AMH: variants seen among roughly 807,000 people sequenced by gnomAD.
AMH encodes the protein anti-Mullerian hormone.
Under a neutral mutation model 33.3 loss-of-function variants are expected in AMH, and 39 were observed. The observed-to-expected ratio is 1.17, with a 90% CI of 0.91 to 1.53. AMH has a LOEUF of 1.53. Among genes scored for constraint, AMH ranks in the 40% most tolerant of loss-of-function variants. AMH has a pLI of 0.00. For synonymous variants in AMH, 536 were observed against 403.0 expected, an observed-to-expected ratio of 1.33 and a Z score of -3.95; for missense variants, 1,019 against 799.8, an observed-to-expected ratio of 1.27 and a Z score of -3.30.
Position 2,250,372 on chromosome 19 carries a change from G to C in AMH, c.448G>C (p.Glu150Gln), listed in dbSNP as rs1216379891. Residue 150 changes from glutamate (E) to glutamine (Q), a missense_variant, in exon 2 of 5, where the codon GAG becomes CAG. Physicochemically the swap from Glu to Gln is conservative, Grantham distance 29. Transcript: ENST00000221496. ...GCCAACACCCTCGCTGAGGTTCCAGGAGCCCCCGCCTGGAGGAGCTGGCCC... is the reference window on the plus strand; with the variant it reads ...GCCAACACCCTCGCTGAGGTTCCAGCAGCCCCCGCCTGGAGGAGCTGGCCC... ...WEPTPSLRFQ[E>Q]PPPGGAGPPE... 1 of 1,596,244 alleles carries C rather than the reference G, an allele frequency of 6.3e-7. No homozygotes were observed. Among genetic ancestry groups the C allele is most frequent in the Non-Finnish European group, 8.5e-7 (1 of 1,173,562 alleles).
In AMH at chr19:2,251,735, T is replaced by C. The variant is rs1311186725; in HGVS notation, c.1461T>C (p.Asn487=). 3 of 1,611,556 alleles carry C rather than the reference T, an allele frequency of 1.9e-6. No individual in the cohort carries two copies. Among genetic ancestry groups the C allele is most frequent in the East Asian group, 2.2e-5 (1 of 44,848 alleles). ...TCCCCGAGACCTACCAGGCCAACAA[T>C]TGCCAGGGCGTGTGCGGCTGGCCTC... ...VLIPETYQAN[N]CQGVCGWPQS... Residue 487 remains asparagine, a synonymous_variant, in exon 5 of 5, where the codon AAT becomes AAC. Coordinates refer to ENST00000221496, the MANE Select transcript of AMH (RefSeq NM_000479.5).
intron 1 of AMH, chr19:2,249,985 TC>T: frequency 1.6e-6 from 1 of 621,492 alleles, no homozygotes; most frequent in Non-Finnish European, 2.8e-6. Context: ...TGCTGCCTTC[TC>T]CCCACCCCTG....
rs897443151 is a variant in AMH at position 2,251,470 on chromosome 19, C to A, written c.1196C>A (p.Ala399Asp). ...CGAAGCCTCCCGGGTCTGCCTCCGG[C>A]CACAGCCCCGCTGCTGGCGCGCCTG... Reference protein sequence around the residue: ...ELRSLPGLPPATAPLLARLLA... With the variant: ...ELRSLPGLPPDTAPLLARLLA... The change falls in exon 5 of 5, where the codon GCC (alanine) becomes GAC (aspartate). Residue 399 changes from alanine (A) to aspartate (D), a missense_variant. Coordinates refer to ENST00000221496, the MANE Select transcript of AMH (RefSeq NM_000479.5). 5.0e-6 allele frequency: 7 copies of A among 1,407,292 alleles called. No homozygotes were observed. In the African/African-American group the frequency reaches 1.1e-4, roughly 21 times the overall value. 87.2% of individuals were successfully genotyped at this position (1,407,292 alleles called of 1,614,324 possible).
At position 2,251,277 on chromosome 19, in the gene AMH, G is replaced by A. The variant is rs2025037328; in HGVS notation, c.1003G>A (p.Ala335Thr). The change falls in exon 5 of 5, where the codon GCG becomes ACG. Residue 335 changes from alanine to threonine, a missense_variant. Transcript: ENST00000221496. Reference protein sequence around the residue: ...QGLVNLSDPAALERLLDGEEP... With the variant: ...QGLVNLSDPATLERLLDGEEP... ...CCTAGTCAACCTGTCGGACCCCGCG[G>A]CGCTGGAGCGCCTACTCGACGGCGA... 5 of 1,504,148 alleles carry A rather than the reference G, an allele frequency of 3.3e-6. No individual in the cohort carries two copies. The highest frequency in any genetic ancestry group is 2.9e-5 in the African/African-American group (2 of 68,956). 93.2% of individuals were successfully genotyped at this position (1,504,148 alleles called of 1,614,324 possible).
rs546849156 is a variant in AMH at position 2,250,998 on chromosome 19, C to G, written c.814C>G (p.Pro272Ala). 2.6e-6 allele frequency: 4 copies of G among 1,514,394 alleles called. No homozygotes were observed. The highest frequency in any genetic ancestry group is 1.4e-5 in the African/African-American group (1 of 69,892). The allele number at this position is 1,514,394 out of a possible 1,614,324, so 93.8% of individuals were successfully genotyped here. A position where few individuals can be genotyped will look rare whatever the true frequency, so the allele number is the denominator to read the frequency against. Residue 272 changes from proline (P) to alanine (A), a missense_variant, in exon 4 of 5, where the codon CCG (proline) becomes GCG (alanine). Physicochemically the swap from Pro to Ala is conservative, Grantham distance 27. Coordinates refer to ENST00000221496, the MANE Select transcript of AMH (RefSeq NM_000479.5). The stretch of plus-strand genomic sequence containing the variant: ...CGGCCAGCTGGACACCGTGCCCTTC[C>G]CGCCGCCCAGGTGCGCGCAGGCACC... ...AHGQLDTVPF[P>A]PPRPSAELEE...
At position 2,250,942 on chromosome 19, in the gene AMH, C is replaced by G; in HGVS notation, c.758C>G (p.Pro253Arg). ...TRMTPALLLL[P>R]RSEPAPLPAH... The stretch of plus-strand genomic sequence containing the variant: ...ATGACCCCGGCCCTGCTCCTGCTGC[C>G]GCGGTCCGAGCCCGCGCCGCTGCCT... Residue 253 changes from proline to arginine, a missense_variant, in exon 4 of 5, where the codon CCG becomes CGG. Coordinates refer to ENST00000221496, the MANE Select transcript of AMH (RefSeq NM_000479.5). The G allele has an allele frequency of 6.5e-7, 1 of 1,543,722 alleles. No homozygotes were observed. Among genetic ancestry groups the G allele is most frequent in the South Asian group, 1.2e-5 (1 of 84,668 alleles).
In AMH at chr19:2,251,569, A is replaced by G; in HGVS notation, c.1295A>G (p.Gln432Arg). ...GCGCTGCTGCTCCTGAAGGCGCTGC[A>G]GGGCCTGCGCGTGGAGTGGCGCGGG... ...LRALLLLKALQGLRVEWRGRD... is the reference protein window; with the variant it reads ...LRALLLLKALRGLRVEWRGRD... The change falls in exon 5 of 5, where the codon CAG becomes CGG. Residue 432 changes from glutamine (Q) to arginine (R), a missense_variant. Coordinates refer to ENST00000221496, the MANE Select transcript of AMH (RefSeq NM_000479.5). 3.8e-6 allele frequency: 5 copies of G among 1,307,586 alleles called. No homozygotes were observed. The highest frequency in any genetic ancestry group is 4.9e-6 in the Non-Finnish European group (5 of 1,030,488). The allele number at this position is 1,307,586 out of a possible 1,614,324, so 81.0% of individuals were successfully genotyped here.
rs765849591 is a variant in AMH at position 2,249,675 on chromosome 19, C to T, written c.343C>T (p.Leu115=). The change falls in exon 1 of 5, where the codon CTA becomes TTA. Residue 115 remains leucine, a synonymous_variant. Coordinates refer to ENST00000221496, the MANE Select transcript of AMH (RefSeq NM_000479.5). ...TGDRQAALPS[L]RRLGAWLRDP... is the part of the protein sequence containing the mutation. ...TGACAGGCAGGCTGCCTTGCCCTCTCTACGGCGGCTGGGGGCCTGGCTGCG... is the reference window on the plus strand; with the variant it reads ...TGACAGGCAGGCTGCCTTGCCCTCTTTACGGCGGCTGGGGGCCTGGCTGCG... The T allele has an allele frequency of 8.9e-5, 134 of 1,503,614 alleles. No homozygotes were observed. Among genetic ancestry groups the T allele is most frequent in the Non-Finnish European group, 1.2e-4 (132 of 1,130,906 alleles). The allele number at this position is 1,503,614 out of a possible 1,614,324, so 93.1% of individuals were successfully genotyped here.
In AMH at chr19:2,249,549, G is replaced by A; in HGVS notation, c.217G>A (p.Val73Met). ...SNGSSSPLRV[V>M]GALSAYEQAF... ...TGGCAGCAGCTCCCCCCTGCGGGTG[G>A]TGGGGGCTCTAAGCGCCTATGAGCA... Residue 73 changes from valine (V) to methionine (M), a missense_variant, in exon 1 of 5, where the codon GTG (valine) becomes ATG (methionine). Val to Met is a conservative substitution (Grantham distance 21). Coordinates refer to ENST00000221496, the MANE Select transcript of AMH (RefSeq NM_000479.5). The A allele has an allele frequency of 6.3e-7, 1 of 1,591,234 alleles. No individual in the cohort carries two copies. Among genetic ancestry groups the A allele is most frequent in the Non-Finnish European group, 8.5e-7 (1 of 1,171,186 alleles).
In AMH at chr19:2,251,383, C is replaced by T. The variant is rs976813233; in HGVS notation, c.1109C>T (p.Pro370Leu). The T allele has an allele frequency of 2.7e-5, 39 of 1,468,920 alleles. No homozygotes were observed. In the African/African-American group the frequency reaches 5.3e-4, roughly 20 times the overall value. 91.0% of individuals were successfully genotyped at this position (1,468,920 alleles called of 1,614,324 possible). A position where few individuals can be genotyped will look rare whatever the true frequency, so the allele number is the denominator to read the frequency against. ...PAPLHDPTSA[P>L]WATALARRVA... The stretch of plus-strand genomic sequence containing the variant: ...CCCCTGCACGACCCCACGTCGGCGC[C>T]GTGGGCCACGGCCCTGGCGCGCCGC... Residue 370 changes from proline (P) to leucine (L), a missense_variant, in exon 5 of 5, where the codon CCG becomes CTG. Physicochemically the swap from Pro to Leu is moderately conservative, Grantham distance 98. Transcript: ENST00000221496.
At chr19:2,249,918 C>T (rs1005890364) in intron 1 of AMH, 174 bp downstream of exon 1, 4 of 771,922 alleles carry the variant, frequency 5.2e-6, no homozygotes, top group Non-Finnish European at 8.0e-6. Flanking sequence ...CACACTCTGT[C>T]CTGTCCCCGA....
At position 2,250,890 on chromosome 19, in the gene AMH, G is replaced by C. The variant is rs559950177; in HGVS notation, c.706G>C (p.Gly236Arg). 3.2e-5 allele frequency: 51 copies of C among 1,574,508 alleles called. No individual in the cohort carries two copies. The Admixed American group carries it at 4.4e-4, about 13-fold the overall frequency. Residue 236 changes from glycine to arginine, a missense_variant, in exon 4 of 5, where the codon GGC becomes CGC. By Grantham distance (125) the Gly-to-Arg change is moderately radical. Coordinates refer to ENST00000221496, the MANE Select transcript of AMH (RefSeq NM_000479.5). ...STARLQALLF[G>R]DDHRCFTRMT... Reference sequence around the variant, plus strand: ...CGCCCGGCTGCAGGCACTGCTGTTCGGCGACGACCACCGCTGCTTCACACG... The same window carrying C: ...CGCCCGGCTGCAGGCACTGCTGTTCCGCGACGACCACCGCTGCTTCACACG...
chr19:2,250,236 G>A (rs932556500), intron 1 of AMH, 101 bp from the exon 2 acceptor site: 2 of 1,520,366 alleles, frequency 1.3e-6, no homozygotes, highest in Non-Finnish European at 8.8e-7. Context: ...CCCCGCTTGA[G>A]GTCCCCTGCA....
chr19:2,251,530 G>A lies in AMH; in HGVS notation c.1256G>A (p.Gly419Asp), dbSNP rs551289685. Reference protein sequence around the residue: ...ALCPGGPGGLGDPLRALLLLK... With the variant: ...ALCPGGPGGLDDPLRALLLLK... ...TGCCCAGGTGGCCCCGGCGGCCTCGGCGATCCCCTGCGAGCGCTGCTGCTC... is the reference window on the plus strand; with the variant it reads ...TGCCCAGGTGGCCCCGGCGGCCTCGACGATCCCCTGCGAGCGCTGCTGCTC... Residue 419 changes from glycine (G) to aspartate (D), a missense_variant, in exon 5 of 5, where the codon GGC (glycine) becomes GAC (aspartate). Gly to Asp is a moderately conservative substitution (Grantham distance 94). Coordinates refer to ENST00000221496, the MANE Select transcript of AMH (RefSeq NM_000479.5). 3 of 1,341,294 alleles carry A rather than the reference G, an allele frequency of 2.2e-6. No homozygotes were observed. Among genetic ancestry groups the A allele is most frequent in the Non-Finnish European group, 1.9e-6 (2 of 1,048,720 alleles). 83.1% of individuals were successfully genotyped at this position (1,341,294 alleles called of 1,614,324 possible). A position where few individuals can be genotyped will look rare whatever the true frequency, so the allele number is the denominator to read the frequency against.
At chr19:2,251,078 T>A in intron 4 of AMH, 21 bp from the exon 5 acceptor site, 2 of 1,537,168 alleles carry the variant, frequency 1.3e-6, no homozygotes, top group South Asian at 1.2e-5. Context: ...CGCTCTCAAC[T>A]CCTCCAATTG....
In AMH at chr19:2,251,384, G is replaced by T. The variant is rs2025040112; in HGVS notation, c.1110G>T (p.Pro370=). The part of the protein sequence containing the change: ...PAPLHDPTSA[P]WATALARRVA... Reference sequence around the variant, plus strand: ...CCCTGCACGACCCCACGTCGGCGCCGTGGGCCACGGCCCTGGCGCGCCGCG... The same window carrying T: ...CCCTGCACGACCCCACGTCGGCGCCTTGGGCCACGGCCCTGGCGCGCCGCG... Residue 370 remains proline, a synonymous_variant, in exon 5 of 5, where the codon CCG becomes CCT. Transcript: ENST00000221496. 1 of 1,467,932 alleles carries T rather than the reference G, an allele frequency of 6.8e-7. No individual in the cohort carries two copies. The highest frequency in any genetic ancestry group is 1.3e-5 in the South Asian group (1 of 77,074). The allele number at this position is 1,467,932 out of a possible 1,614,324, so 90.9% of individuals were successfully genotyped here. A position where few individuals can be genotyped will look rare whatever the true frequency, so the allele number is the denominator to read the frequency against.
chr19:2,249,815 A>G, intron 1 of AMH, 71 bp downstream of exon 1: 2 of 1,423,226 alleles, frequency 1.4e-6, no homozygotes, highest in Non-Finnish European at 9.2e-7. Context: ...CCTAGGGAAG[A>G]TCAGGGGCTG....
chr19:2,250,442 A>G lies in AMH; in HGVS notation c.518A>G (p.Glu173Gly). ...LLVLYPGPGP[E>G]VTVTRAGLPG... ...GTGCTGTACCCTGGGCCTGGCCCTGAGGTCACTGTGACGAGGGCTGGGCTG... is the reference window on the plus strand; with the variant it reads ...GTGCTGTACCCTGGGCCTGGCCCTGGGGTCACTGTGACGAGGGCTGGGCTG... Residue 173 changes from glutamate to glycine, a missense_variant, in exon 2 of 5, where the codon GAG (glutamate) becomes GGG (glycine). Physicochemically the swap from Glu to Gly is moderately conservative, Grantham distance 98 (BLOSUM62 -2). Transcript: ENST00000221496. 1 of 1,554,692 alleles carries G rather than the reference A, an allele frequency of 6.4e-7. No homozygotes were observed. The highest frequency in any genetic ancestry group is 8.7e-7 in the Non-Finnish European group (1 of 1,150,318).
chr19:2,251,188 C>A lies in AMH; in HGVS notation c.914C>A (p.Pro305Gln), dbSNP rs757410331. The A allele has an allele frequency of 2.7e-5, 41 of 1,507,776 alleles. No individual in the cohort carries two copies. The highest frequency in any genetic ancestry group is 3.4e-5 in the Non-Finnish European group (39 of 1,135,128). 93.4% of individuals were successfully genotyped at this position (1,507,776 alleles called of 1,614,324 possible). A position where few individuals can be genotyped will look rare whatever the true frequency, so the allele number is the denominator to read the frequency against. The change falls in exon 5 of 5, where the codon CCG becomes CAG. Residue 305 changes from proline (P) to glutamine (Q), a missense_variant. Physicochemically the swap from Pro to Gln is moderately conservative, Grantham distance 76. Coordinates refer to ENST00000221496, the MANE Select transcript of AMH (RefSeq NM_000479.5). ...TRLVRALRVP[P>Q]ARASAPRLAL... ...CTGGTGCGGGCGCTGCGGGTCCCCC[C>A]GGCCCGGGCCTCCGCGCCGCGCCTG...
Sources: allele counts gnomAD v4.1 joint callset, GRCh38; gene constraint gnomAD v4.1.1; transcripts MANE v1.5; gene names NCBI Gene and HGNC (gene_info 2026-07-23, HGNC 2026-07-21).